PBX1: variants seen among roughly 807,000 people sequenced by gnomAD.
The protein encoded by PBX1 is PBX homeobox 1.
Under a neutral mutation model 53.4 loss-of-function variants are expected in PBX1, and 6 were observed. That is an observed-to-expected ratio of 0.11 (90% CI 0.06 to 0.22). The LOEUF (loss-of-function observed/expected upper bound fraction) is 0.22. Ranked by LOEUF, PBX1 falls within the 10% of genes least tolerant of loss-of-function variation. The probability of loss-of-function intolerance (pLI) is 1.00; values close to 1 mark genes in which losing one functional copy is unlikely to be tolerated. For missense variants in PBX1, 251 were observed against 551.4 expected, an observed-to-expected ratio of 0.46 and a Z score of 5.46; for synonymous variants, 204 against 212.3, an observed-to-expected ratio of 0.96 and a Z score of 0.34.
At chr1:164,733,277 A>G (rs1276547324) in intron 2 of PBX1, among the ~76,000 whole-genome samples, 1 of 152,084 alleles carries the variant, frequency 6.6e-6, no homozygotes, top group East Asian at 1.9e-4. Flanking sequence ...TTGATGTCGG[A>G]CCTTGTGACT....
chr1:164,666,056 C>T (rs1051976459), intron 2 of PBX1, among the ~76,000 whole-genome samples: 1 of 152,172 alleles, frequency 6.6e-6, no homozygotes, highest in African/African-American at 2.4e-5. Flanking sequence ...TGGGCAACTC[C>T]AGGAGGGAAT....
chr1:164,564,744 T>C (rs1653311154), intron 2 of PBX1, among the ~76,000 whole-genome samples: 1 of 151,666 alleles, frequency 6.6e-6, no homozygotes, highest in Non-Finnish European at 1.5e-5. Flanking sequence ...ATCAAAAGAG[T>C]TTTTTCCAGT....
intron 2 of PBX1, among the ~76,000 whole-genome samples, chr1:164,569,564 ATTTTTTTTTTTT>A (rs71097535): frequency 6.4e-5 from 5 of 78,194 alleles, no homozygotes; most frequent in Non-Finnish European, 1.2e-4. Context: ...TTTTCCTTGC[ATTTTTTTTTTTT>A]TTTTTTTTTT....
At chr1:164,750,636 G>T (rs546225403) in intron 2 of PBX1, among the ~76,000 whole-genome samples, 5 of 152,326 alleles carry the variant, frequency 3.3e-5, no homozygotes, top group Admixed American at 1.3e-4. Flanking sequence ...ACAGTCAGAA[G>T]TAGCTTTCAG....
intron 2 of PBX1, among the ~76,000 whole-genome samples, chr1:164,881,017 A>G (rs1044505224): frequency 2.0e-5 from 3 of 152,198 alleles, no homozygotes; most frequent in African/African-American, 7.2e-5. Flanking sequence ...TCTCCTAGCC[A>G]TCTGCTCCAA....
At chr1:164,565,835 T>C (rs1653399643) in intron 2 of PBX1, among the ~76,000 whole-genome samples, 1 of 151,996 alleles carries the variant, frequency 6.6e-6, no homozygotes. Context: ...ATTCCTTTAT[T>C]GTTTGGGGAC....
chr1:164,822,604 A>G lies in PBX1; in HGVS notation c.1200+978A>G, dbSNP rs150267805. ...CCTCTTCAACTGCGTTGGTCAAGTC[A>G]TACATGATTCTGTCTGGTTTGGGAG... On this transcript the variant is annotated intron_variant, in intron 8 of 8. Transcript: ENST00000420696. Among the ~76,000 whole-genome samples, 929 of 152,344 alleles carry G rather than the reference A, an allele frequency of 6.1e-3. 9 individuals are homozygous for G. Among genetic ancestry groups the G allele is most frequent in the African/African-American group, 0.021 (877 of 41,586 alleles).
intron 8 of PBX1, among the ~76,000 whole-genome samples, chr1:164,824,067 T>TA (rs1377693626): frequency 6.6e-6 from 1 of 152,030 alleles, no homozygotes; most frequent in African/African-American, 2.4e-5. Flanking sequence ...GAAATGAAAA[T>TA]AAACAGTTCC....
At chr1:164,800,000 C>G in intron 4 of PBX1, 111 bp downstream of exon 4, 1 of 942,878 alleles carries the variant, frequency 1.1e-6, no homozygotes, top group Non-Finnish European at 1.6e-6. Flanking sequence ...AACGCTGAAC[C>G]AAGTGATACC....
chr1:164,812,383 ATTAAG>A (rs1206395132), intron 6 of PBX1, among the ~76,000 whole-genome samples: 1 of 152,178 alleles, frequency 6.6e-6, no homozygotes, highest in African/African-American at 2.4e-5. Flanking sequence ...TAATTTGTCT[ATTAAG>A]TTAAGACCAA....
chr1:164,562,505 A>T (rs1256243183), intron 1 of PBX1, among the ~76,000 whole-genome samples: 4 of 149,590 alleles, frequency 2.7e-5, no homozygotes, highest in Non-Finnish European at 4.5e-5. Flanking sequence ...CAGGTAAATC[A>T]CTAATCTAAA....
intron 2 of PBX1, among the ~76,000 whole-genome samples, chr1:164,639,200 T>C (rs542338047): frequency 1.1e-3 from 175 of 152,264 alleles, no homozygotes; most frequent in African/African-American, 4.1e-3. Context: ...AAGTATAAAG[T>C]AATTGTTGCT....
At chr1:164,870,204 CTTTCT>C (rs1336782606) in intron 2 of PBX1, among the ~76,000 whole-genome samples, 3 of 144,932 alleles carry the variant, frequency 2.1e-5, no homozygotes, top group East Asian at 2.0e-4. Context: ...TTCTTTCTTT[CTTTCT>C]TTTCTTTCTT....
At chr1:164,709,183 T>G (rs1663610972) in intron 2 of PBX1, among the ~76,000 whole-genome samples, 1 of 152,154 alleles carries the variant, frequency 6.6e-6, no homozygotes, top group South Asian at 2.1e-4. Context: ...TCTGCTACTC[T>G]CAAGGCTCCA....
intron 2 of PBX1, among the ~76,000 whole-genome samples, chr1:164,756,499 T>G (rs1216892170): frequency 6.6e-6 from 1 of 152,216 alleles, no homozygotes; most frequent in African/African-American, 2.4e-5. Context: ...TTTTCTTTGT[T>G]GCAATTTAAA....
intron 3 of PBX1, among the ~76,000 whole-genome samples, chr1:164,797,826 C>T (rs374325388): frequency 2.0e-5 from 3 of 152,166 alleles, no homozygotes; most frequent in African/African-American, 7.2e-5. Flanking sequence ...GTATTGCCAT[C>T]TCGGTTTCAC....
intron 2 of PBX1, among the ~76,000 whole-genome samples, chr1:164,618,301 G>GA (rs1023397998): frequency 2.1e-5 from 3 of 142,182 alleles, no homozygotes; most frequent in Non-Finnish European, 4.7e-5. Flanking sequence ...TCACGGCGGG[G>GA]GGGGGGGGGC....
chr1:164,771,251 A>G (rs1330423587), intron 2 of PBX1: 2 of 152,040 alleles, frequency 1.3e-5, no homozygotes, highest in East Asian at 1.9e-4. Flanking sequence ...TGAGAACTTG[A>G]TATCTTTCTT....
chr1:164,709,363 G>T (rs1340256199), intron 2 of PBX1, among the ~76,000 whole-genome samples: 3 of 152,040 alleles, frequency 2.0e-5, no homozygotes, highest in African/African-American at 7.2e-5. Flanking sequence ...ATTGTGCAAG[G>T]ACAAAGCTGG....
Sources: gnomAD v4.1 joint callset for allele counts (sites outside exome capture counted in the v4.1 genomes callset) on GRCh38, gnomAD v4.1.1 for gene constraint, MANE v1.5 for transcripts, NCBI Gene and HGNC (gene_info 2026-07-23, HGNC 2026-07-21) for gene names.